Variants in FAM193A observed in about 807,000 individuals in gnomAD.
FAM193A encodes the protein family with sequence similarity 193 member A.
Under a neutral mutation model 126.5 loss-of-function variants are expected in FAM193A, and 22 were observed. The observed-to-expected ratio is 0.17, with a 90% confidence interval of 0.12 to 0.25. FAM193A has a LOEUF of 0.25. Among genes scored for constraint, FAM193A ranks in the 10% least tolerant of loss-of-function variants. FAM193A has a pLI of 1.00. For missense variants in FAM193A, 1,675 were observed against 1,672.8 expected (o/e 1.00, Z -0.02); for synonymous variants, 761 against 646.8 (o/e 1.18, Z -2.68).
chr4:2,536,446 C>T (rs1455500182), upstream of FAM193A, among the ~76,000 whole-genome samples: 1 of 151,884 alleles, frequency 6.6e-6, no homozygotes, highest in Non-Finnish European at 1.5e-5. Flanking sequence ...CCCGGGTACC[C>T]CCAGCTGCTG....
At chr4:2,578,015 C>T (rs1008978452) in intron 1 of FAM193A, among the ~76,000 whole-genome samples, 2 of 152,054 alleles carry the variant, frequency 1.3e-5, no homozygotes, top group Non-Finnish European at 2.9e-5. Context: ...AATGACTATC[C>T]CCTATTCCTC....
chr4:2,629,930 G>A (rs182221700), intron 4 of FAM193A, among the ~76,000 whole-genome samples: 1,966 of 151,978 alleles, frequency 0.013, 32 homozygotes, highest in African/African-American at 0.038. Flanking sequence ...CAGGAGATCG[G>A]GACCATCCTG....
In FAM193A at chr4:2,717,060, A is replaced by G. The variant is rs909331934; in HGVS notation, c.4454+956A>G. ...AATGTTGTGATCTGGGCTCACTGCA[A>G]TCCCCACCTCCTACGTTCAAGCGAT... On this transcript the variant is annotated intron_variant, in intron 20 of 20. Transcript: ENST00000637812. 2.0e-5 allele frequency among the ~76,000 whole-genome samples: 3 copies of G among 151,816 alleles called. 1 individual carries two copies. The highest frequency in any genetic ancestry group is 4.8e-5 in the African/African-American group (2 of 41,296).
intron 18 of FAM193A, among the ~76,000 whole-genome samples, chr4:2,699,077 T>C (rs933421639): frequency 3.9e-5 from 6 of 152,200 alleles, no homozygotes; most frequent in Non-Finnish European, 8.8e-5. Flanking sequence ...TTGATACTTT[T>C]TGTAGAGACG....
chr4:2,682,460 G>A (rs992453807), intron 13 of FAM193A, among the ~76,000 whole-genome samples: 2 of 152,062 alleles, frequency 1.3e-5, no homozygotes, highest in African/African-American at 2.4e-5. Context: ...CACCATGCTT[G>A]TTGTTTTTTG....
chr4:2,553,628 C>T (rs987580826), intron 1 of FAM193A, among the ~76,000 whole-genome samples: 1 of 152,086 alleles, frequency 6.6e-6, no homozygotes. Flanking sequence ...ATCTGCCCGC[C>T]TTGGCCTTCC....
At chr4:2,707,015 G>A (rs1056535682) in intron 19 of FAM193A, among the ~76,000 whole-genome samples, 3 of 151,872 alleles carry the variant, frequency 2.0e-5, no homozygotes, top group Non-Finnish European at 2.9e-5. Context: ...CCAGCTGCTC[G>A]GGAGGCTGAG....
chr4:2,544,873 A>G (rs1560431338), intron 1 of FAM193A, among the ~76,000 whole-genome samples: 1 of 152,140 alleles, frequency 6.6e-6, no homozygotes, highest in Non-Finnish European at 1.5e-5. Flanking sequence ...CTCATCTTAA[A>G]AAAAAACAAA....
chr4:2,625,200 A>G, intron 2 of FAM193A, 62 bp from the exon 3 acceptor site: 1 of 624,194 alleles, frequency 1.6e-6, no homozygotes, highest in Non-Finnish European at 2.9e-6. Flanking sequence ...AACAGTTAAT[A>G]AAAAATTGAT....
At chr4:2,543,176 C>T (rs1028736366) in intron 1 of FAM193A, among the ~76,000 whole-genome samples, 4 of 151,920 alleles carry the variant, frequency 2.6e-5, no homozygotes, top group Admixed American at 2.0e-4. Context: ...CAACCTCCGC[C>T]TCCCGGGTTC....
intron 18 of FAM193A, among the ~76,000 whole-genome samples, chr4:2,697,913 G>A (rs570029266): frequency 2.6e-5 from 4 of 152,300 alleles, no homozygotes; most frequent in Admixed American, 6.5e-5. Context: ...CCTCTGGGAC[G>A]CCTTCCTGAG....
chr4:2,633,764 G>A (rs1386402225), intron 5 of FAM193A, among the ~76,000 whole-genome samples: 2 of 152,060 alleles, frequency 1.3e-5, no homozygotes, highest in South Asian at 2.1e-4. Flanking sequence ...GTGGTGGCAC[G>A]CGCCTATAAT....
At chr4:2,596,754 C>CCACAGA (rs1274355396) in intron 2 of FAM193A, among the ~76,000 whole-genome samples, 1 of 69,250 alleles carries the variant, frequency 1.4e-5, no homozygotes, top group Non-Finnish European at 2.9e-5. Flanking sequence ...GAGGCCACAG[C>CCACAGA]AGGCTTGGCT....
intron 19 of FAM193A, among the ~76,000 whole-genome samples, chr4:2,706,962 G>A (rs773569954): frequency 1.9e-4 from 29 of 151,700 alleles, no homozygotes; most frequent in Non-Finnish European, 3.4e-4. Flanking sequence ...CTCTACTAAA[G>A]ATAAAAAAAA....
chr4:2,536,565 A>C (rs1230155154), upstream of FAM193A: 1 of 8,304 alleles, frequency 1.2e-4, no homozygotes, highest in Non-Finnish European at 2.1e-4. Flanking sequence ...GGGCGGAGTA[A>C]GGCGGGGTGG....
chr4:2,619,709 A>T (rs1455560361), intron 2 of FAM193A, among the ~76,000 whole-genome samples: 1 of 148,190 alleles, frequency 6.7e-6, no homozygotes, highest in Non-Finnish European at 1.5e-5. Context: ...GTTTTGAGAC[A>T]ATGTCTCTCT....
At chr4:2,579,913 T>A (rs374783652) in intron 1 of FAM193A, among the ~76,000 whole-genome samples, 2 of 152,178 alleles carry the variant, frequency 1.3e-5, no homozygotes, top group East Asian at 1.9e-4. Flanking sequence ...TTCAACCCAG[T>A]AATCCCATTA....
intron 1 of FAM193A, among the ~76,000 whole-genome samples, chr4:2,592,781 A>G (rs1430040243): frequency 1.3e-5 from 2 of 152,176 alleles, no homozygotes; most frequent in Admixed American, 1.3e-4. Flanking sequence ...AGCTCTGCAT[A>G]GGGTTCTCCC....
chr4:2,691,768 C>T (rs531292382), intron 15 of FAM193A, among the ~76,000 whole-genome samples: 3 of 123,778 alleles, frequency 2.4e-5, no homozygotes, highest in African/African-American at 5.3e-5. Flanking sequence ...AGTGAGACCC[C>T]GTCTCTAAAA....
Sources: gnomAD v4.1 joint callset for allele counts (sites outside exome capture counted in the v4.1 genomes callset) on GRCh38, gnomAD v4.1.1 for gene constraint, MANE v1.5 for transcripts, NCBI Gene and HGNC (gene_info 2026-07-23, HGNC 2026-07-21) for gene names.